The following SLC25A26 variants were observed in gnomAD, a reference collection of about 807,000 sequenced individuals.
SLC25A26 encodes mitochondrial S-adenosylmethionine carrier protein.
SLC25A26 carries 36 observed loss-of-function variants against 37.8 expected under a neutral mutation model. The observed-to-expected ratio is 0.95, with a 90% confidence interval of 0.73 to 1.26. The LOEUF (loss-of-function observed/expected upper bound fraction) is 1.26. SLC25A26 is among the 50% of genes most tolerant of loss of function. SLC25A26 has a pLI of 0.00. For missense variants in SLC25A26, 390 were observed against 331.1 expected, an observed-to-expected ratio of 1.18 and a Z score of -1.38; for synonymous variants, 129 against 122.5, an observed-to-expected ratio of 1.05 and a Z score of -0.35.
intron 5 of SLC25A26, among the ~76,000 whole-genome samples, chr3:66,299,783 T>C (rs976827453): frequency 7.9e-5 from 12 of 152,208 alleles, no homozygotes; most frequent in African/African-American, 2.9e-4. Flanking sequence ...CATGGTTGTT[T>C]GTATAACTCC....
intron 7 of SLC25A26, among the ~76,000 whole-genome samples, chr3:66,368,494 T>C (rs1256056156): frequency 6.6e-6 from 1 of 152,118 alleles, no homozygotes; most frequent in Non-Finnish European, 1.5e-5. Context: ...TAATGTGGAA[T>C]GTGTGCTGAA....
intron 2 of SLC25A26, among the ~76,000 whole-genome samples, chr3:66,236,951 C>T (rs555044243): frequency 6.6e-6 from 1 of 152,300 alleles, no homozygotes; most frequent in South Asian, 2.1e-4. Context: ...ATCCTCTTGC[C>T]TCAGCCCCCT....
At chr3:66,324,799 T>G (rs1304662702) in intron 5 of SLC25A26, among the ~76,000 whole-genome samples, 7 of 136,788 alleles carry the variant, frequency 5.1e-5, no homozygotes, top group South Asian at 2.4e-4. Flanking sequence ...AAGCACAGGT[T>G]TTTTTTTTTG....
intron 1 of SLC25A26, among the ~76,000 whole-genome samples, chr3:66,233,635 A>T (rs1255881290): frequency 6.6e-6 from 1 of 152,212 alleles, no homozygotes; most frequent in African/African-American, 2.4e-5. Context: ...TTAAATCTGA[A>T]ATATGTGGTT....
chr3:66,160,205 G>C (rs927269587), intron 1 of SLC25A26, among the ~76,000 whole-genome samples: 2 of 152,046 alleles, frequency 1.3e-5, no homozygotes, highest in African/African-American at 4.8e-5. Context: ...GGACAGGCTG[G>C]TCTCGAGCAC....
intron 6 of SLC25A26, among the ~76,000 whole-genome samples, chr3:66,360,497 G>A (rs1386126885): frequency 6.6e-6 from 1 of 151,922 alleles, no homozygotes; most frequent in East Asian, 1.9e-4. Flanking sequence ...AAAATTTGAT[G>A]AGCTTTATAA....
intron 5 of SLC25A26, among the ~76,000 whole-genome samples, chr3:66,276,114 A>G (rs12330406): frequency 0.036 from 5,530 of 152,246 alleles, 346 homozygotes; most frequent in African/African-American, 0.12. Flanking sequence ...CTACCTGGCT[A>G]CAGATTACTT....
chr3:66,171,650 T>C (rs1355815776), intron 1 of SLC25A26, among the ~76,000 whole-genome samples: 1 of 152,146 alleles, frequency 6.6e-6, no homozygotes, highest in Non-Finnish European at 1.5e-5. Context: ...TCACCATGCC[T>C]GGCTACTTTC....
intron 5 of SLC25A26, among the ~76,000 whole-genome samples, chr3:66,325,933 C>T (rs372862159): frequency 3.9e-5 from 6 of 152,082 alleles, no homozygotes; most frequent in African/African-American, 7.2e-5. Flanking sequence ...AGAGATGAGT[C>T]GGGGTGTTGC....
chr3:66,275,406 T>TAA (rs200076219), intron 5 of SLC25A26, among the ~76,000 whole-genome samples: 6 of 147,594 alleles, frequency 4.1e-5, no homozygotes, highest in African/African-American at 1.5e-4. Flanking sequence ...ATAATAATAG[T>TAA]AAAAAAAAAA....
chr3:66,234,003 A>T (rs896869899), intron 1 of SLC25A26, among the ~76,000 whole-genome samples: 3 of 152,208 alleles, frequency 2.0e-5, no homozygotes, highest in Admixed American at 2.0e-4. Context: ...TTTTTAAATA[A>T]TCTAGTCGCA....
chr3:66,151,354 G>A (rs993959673), intron 1 of SLC25A26, among the ~76,000 whole-genome samples: 3 of 152,066 alleles, frequency 2.0e-5, no homozygotes, highest in Non-Finnish European at 4.4e-5. Flanking sequence ...AGGGAGTGGG[G>A]GAGATAAGAA....
chr3:66,168,125 A>G (rs1415404276), intron 1 of SLC25A26, among the ~76,000 whole-genome samples: 14 of 151,030 alleles, frequency 9.3e-5, no homozygotes, highest in Admixed American at 9.2e-4. Context: ...CGCACTCCAG[A>G]CTGGGCAACA....
intron 7 of SLC25A26, among the ~76,000 whole-genome samples, chr3:66,364,685 C>T (rs1403487456): frequency 6.6e-6 from 1 of 152,180 alleles, no homozygotes; most frequent in East Asian, 1.9e-4. Flanking sequence ...GGAATTACTA[C>T]TATTTCAATA....
At chr3:66,154,981 A>C (rs965996111) in intron 1 of SLC25A26, among the ~76,000 whole-genome samples, 1 of 152,238 alleles carries the variant, frequency 6.6e-6, no homozygotes, top group South Asian at 2.1e-4. Context: ...CATCATCTCA[A>C]TTATGGCTTA....
intron 5 of SLC25A26, among the ~76,000 whole-genome samples, chr3:66,322,851 A>AT (rs1335738580): frequency 6.6e-6 from 1 of 152,172 alleles, no homozygotes; most frequent in Non-Finnish European, 1.5e-5. Flanking sequence ...GATATAAAGA[A>AT]TTTTCTGCAA....
At chr3:66,148,659 C>T (rs2070154947) in intron 1 of SLC25A26, among the ~76,000 whole-genome samples, 2 of 152,224 alleles carry the variant, frequency 1.3e-5, no homozygotes, top group South Asian at 4.1e-4. Context: ...AGTTACCTCT[C>T]ATACCTTTCT....
intron 6 of SLC25A26, among the ~76,000 whole-genome samples, chr3:66,358,426 A>C (rs2076625081): frequency 6.6e-6 from 1 of 152,210 alleles, no homozygotes; most frequent in South Asian, 2.1e-4. Flanking sequence ...GCAGACATTG[A>C]CATAGTTTGT....
At chr3:66,154,195 G>A (rs1021880545) in intron 1 of SLC25A26, among the ~76,000 whole-genome samples, 7 of 152,082 alleles carry the variant, frequency 4.6e-5, no homozygotes, top group African/African-American at 1.4e-4. Context: ...CATCCACCCT[G>A]TCTCCCTGCG....
Sources: gnomAD v4.1 joint callset for allele counts (sites outside exome capture counted in the v4.1 genomes callset) on GRCh38, gnomAD v4.1.1 for gene constraint, MANE v1.5 for transcripts, NCBI Gene and HGNC (gene_info 2026-07-23, HGNC 2026-07-21) for gene names.